The following LARP4B variants were observed in gnomAD, a reference collection of about 807,000 sequenced individuals.
LARP4B encodes la-related protein 4B.
Under a neutral mutation model 89.8 loss-of-function variants are expected in LARP4B, and 12 were observed. That is an observed-to-expected ratio of 0.13 (90% CI 0.09 to 0.22). The LOEUF (loss-of-function observed/expected upper bound fraction) is 0.22. Ranked by LOEUF, LARP4B falls within the 10% of genes least tolerant of loss-of-function variation. The probability of loss-of-function intolerance (pLI) is 1.00; values close to 1 mark genes in which losing one functional copy is unlikely to be tolerated. For synonymous variants in LARP4B, 367 were observed against 363.3 expected, an observed-to-expected ratio of 1.01 and a Z score of -0.12; for missense variants, 757 against 947.7, an observed-to-expected ratio of 0.80 and a Z score of 2.64.
chr10:890,649 G>A (rs537005943), intron 1 of LARP4B, among the ~76,000 whole-genome samples: 5 of 152,178 alleles, frequency 3.3e-5, no homozygotes, highest in African/African-American at 9.6e-5. Context: ...CTCAGGCCTC[G>A]GATGCAATGA....
chr10:960,707 C>CAAA, the LARP4B span, among the ~76,000 whole-genome samples: 90 of 65,886 alleles, frequency 1.4e-3, 3 homozygotes, highest in Non-Finnish European at 2.0e-3. Flanking sequence ...GACTCTGTCT[C>CAAA]AAAAAAAAAA....
chr10:945,383 CAAA>C, the LARP4B span, among the ~76,000 whole-genome samples: 3 of 86,164 alleles, frequency 3.5e-5, no homozygotes, highest in Admixed American at 1.3e-4. Context: ...GACTCTGTCT[CAAA>C]AAAAAAAAAA....
At chr10:978,885 T>C in the LARP4B span, among the ~76,000 whole-genome samples, 7 of 152,194 alleles carry the variant, frequency 4.6e-5, no homozygotes, top group Non-Finnish European at 7.3e-5. Flanking sequence ...TTAAAGGATA[T>C]TTTCTCTGGG....
chr10:838,060 C>T (rs934108539), intron 7 of LARP4B, among the ~76,000 whole-genome samples: 2 of 152,324 alleles, frequency 1.3e-5, no homozygotes, highest in East Asian at 1.9e-4. Context: ...ATCTTTTCAA[C>T]AAGTGCTGCT....
chr10:966,828 C>G, the LARP4B span, among the ~76,000 whole-genome samples: 1 of 151,790 alleles, frequency 6.6e-6, no homozygotes, highest in African/African-American at 2.4e-5. Context: ...GAGGCCACCC[C>G]CTCACCCCCA....
the LARP4B span, among the ~76,000 whole-genome samples, chr10:961,831 A>G: frequency 6.6e-6 from 1 of 152,216 alleles, no homozygotes; most frequent in Non-Finnish European, 1.5e-5. Flanking sequence ...ATCCAGGGGC[A>G]TAACCTGAAC....
chr10:812,978 A>C lies in LARP4B; in HGVS notation c.2165T>G (p.Met722Arg). ...CTGCTCTCGGCTGAGACGCTTCCCC[A>C]TGGCCGAGGGCGAGGGCCGGCCCCC... The part of the protein sequence containing the change: ...PAGGRPSPSA[M>R]GKRLSREQST... The change falls in exon 18 of 18, where the codon ATG (methionine) becomes AGG (arginine). Residue 722 changes from methionine (M) to arginine (R), a missense_variant. Around this residue, in one of 5 missense-constraint regions of LARP4B, gnomAD observed 387 missense variants for 423.6 expected, o/e 0.91. Transcript: ENST00000316157. The C allele has an allele frequency of 6.3e-7, 1 of 1,577,104 alleles. No homozygotes were observed. The highest frequency in any genetic ancestry group is 8.5e-7 in the Non-Finnish European group (1 of 1,170,094).
intron 1 of LARP4B, among the ~76,000 whole-genome samples, chr10:902,870 G>C (rs1163101258): frequency 2.0e-5 from 3 of 152,104 alleles, no homozygotes; most frequent in African/African-American, 7.2e-5. Context: ...GTCTCAACCT[G>C]ACCTCAAGTG....
At chr10:821,826 AC>A (rs1321245631) in intron 13 of LARP4B, among the ~76,000 whole-genome samples, 12 of 152,200 alleles carry the variant, frequency 7.9e-5, no homozygotes, top group African/African-American at 2.4e-4. Flanking sequence ...ATTATCTCCT[AC>A]AGAAAACTTT....
intron 1 of LARP4B, among the ~76,000 whole-genome samples, chr10:891,242 T>G (rs184440683): frequency 1.3e-5 from 2 of 151,768 alleles, no homozygotes; most frequent in African/African-American, 4.8e-5. Context: ...CACCAAGGGA[T>G]TCCACACAGT....
intron 3 of LARP4B, among the ~76,000 whole-genome samples, chr10:874,234 C>CAAACAAAACAAAACA (rs111889691): frequency 1.3e-5 from 2 of 151,900 alleles, no homozygotes; most frequent in African/African-American, 2.4e-5. Context: ...GACTCCATCT[C>CAAACAAAACAAAACA]AAACAAAACA....
the LARP4B span, among the ~76,000 whole-genome samples, chr10:969,977 G>A: frequency 3.9e-5 from 6 of 152,212 alleles, no homozygotes; most frequent in East Asian, 1.9e-4. Flanking sequence ...TCATGAGCCC[G>A]GACTGACGCC....
intron 5 of LARP4B, among the ~76,000 whole-genome samples, chr10:850,685 T>C (rs1166773998): frequency 2.0e-5 from 3 of 152,038 alleles, no homozygotes; most frequent in Non-Finnish European, 2.9e-5. Flanking sequence ...CAAGGACAAA[T>C]GGAATATTTA....
chr10:941,509 G>A, the LARP4B span, among the ~76,000 whole-genome samples: 2 of 151,830 alleles, frequency 1.3e-5, no homozygotes, highest in Admixed American at 1.3e-4. Context: ...AGATGGGCGG[G>A]GGGTGTCTCA....
At chr10:809,194 C>G (rs1053958669), downstream of LARP4B, 1 of 152,222 alleles carries the variant, frequency 6.6e-6, no homozygotes, top group East Asian at 1.9e-4. Flanking sequence ...GAAGACCCAA[C>G]GTTAGCTCCA....
At chr10:872,636 C>G (rs1250331424) in intron 3 of LARP4B, among the ~76,000 whole-genome samples, 1 of 152,176 alleles carries the variant, frequency 6.6e-6, no homozygotes, top group Non-Finnish European at 1.5e-5. Context: ...AGAGTTTTTA[C>G]AAGTAGCTGG....
At chr10:905,137 G>T (rs1053714184) in intron 1 of LARP4B, among the ~76,000 whole-genome samples, 1 of 152,042 alleles carries the variant, frequency 6.6e-6, no homozygotes, top group Non-Finnish European at 1.5e-5. Flanking sequence ...AACACTTCTG[G>T]CCTCAAGCAT....
intron 15 of LARP4B, 155 bp from the exon 16 acceptor site, chr10:815,225 G>T: frequency 1.3e-6 from 1 of 757,756 alleles, no homozygotes; most frequent in East Asian, 3.0e-5. Context: ...ACAGAGCCCA[G>T]GACTATCCTC....
the LARP4B span, among the ~76,000 whole-genome samples, chr10:963,760 G>C: frequency 6.6e-6 from 1 of 152,156 alleles, no homozygotes; most frequent in Non-Finnish European, 1.5e-5. Context: ...CAAGATCGAG[G>C]GTCCTTCTTG....
Sources: allele counts gnomAD v4.1 joint callset (sites outside exome capture counted in the v4.1 genomes callset), GRCh38; gene constraint gnomAD v4.1.1; regional missense constraint gnomAD v4.1.1; transcripts MANE v1.5; gene names NCBI Gene and HGNC (gene_info 2026-07-23, HGNC 2026-07-21).